The following SPTBN2 variants were observed in gnomAD, a reference collection of about 807,000 sequenced individuals.
SPTBN2 encodes spectrin beta, non-erythrocytic 2.
A neutral mutation model predicts 284.2 loss-of-function variants in SPTBN2; 107 were observed. That is an observed-to-expected ratio of 0.38 (90% CI 0.32 to 0.44). The LOEUF (loss-of-function observed/expected upper bound fraction) is 0.44. Ranked by LOEUF, SPTBN2 falls within the 20% of genes least tolerant of loss-of-function variation. SPTBN2 has a pLI of 1.00. For missense variants in SPTBN2, 2,569 were observed against 3,287.1 expected, an observed-to-expected ratio of 0.78 and a Z score of 5.34; for synonymous variants, 1,289 against 1,354.8, an observed-to-expected ratio of 0.95 and a Z score of 1.07.
chr11:66,704,966 C>T lies in SPTBN2; in HGVS notation c.2310G>A (p.Val770=). 1.2e-6 allele frequency: 2 copies of T among 1,608,968 alleles called. No individual in the cohort carries two copies. Among genetic ancestry groups the T allele is most frequent in the Non-Finnish European group, 1.7e-6 (2 of 1,179,878 alleles). ...CGTCGTGCCCCAGCTCGGGGCTGGA[C>T]ACCAGGCGCAGTGCGTCAACCAACC... ...EAWLVDALRL[V]SSPELGHDEF... Residue 770 remains valine (V), a synonymous_variant, in exon 15 of 38, where the codon GTG becomes GTA. Transcript: ENST00000533211.
intron 3 of SPTBN2, among the ~76,000 whole-genome samples, chr11:66,720,715 AGACACAACAAGGGCAT>A (rs1942358479): frequency 6.6e-6 from 1 of 152,188 alleles, no homozygotes; most frequent in Non-Finnish European, 1.5e-5. Flanking sequence ...AAATCAAAGA[AGACACAACAAGGGCAT>A]GACAGGTAAG....
chr11:66,735,512 C>T lies in SPTBN2; in HGVS notation c.-474-6320G>A, dbSNP rs538274828. ...ATTACTTAAGGCCAGGAGTTCAAGA[C>T]CAGCTTGTGCAATAATAGTGAGACC... On this transcript the variant is annotated intron_variant, in intron 1 of 37. Transcript: ENST00000611817. 2.0e-5 allele frequency among the ~76,000 whole-genome samples: 3 copies of T among 152,154 alleles called. No homozygotes were observed. The South Asian group carries it at 6.2e-4, about 32-fold the overall frequency.
chr11:66,704,974 G>A lies in SPTBN2; in HGVS notation c.2302C>T (p.Arg768Cys), dbSNP rs1425687730. ...DMEAWLVDAL[R>C]LVSSPELGHD... ...CCCAGCTCGGGGCTGGACACCAGGC[G>A]CAGTGCGTCAACCAACCAGGCCTCC... The change falls in exon 15 of 38, where the codon CGC becomes TGC. Residue 768 changes from arginine (R) to cysteine (C), a missense_variant. Around this residue, in one of 6 missense-constraint regions of SPTBN2, gnomAD observed 1,012 missense variants for 1,248.9 expected, o/e 0.81. Transcript: ENST00000533211. 1.2e-5 allele frequency: 20 copies of A among 1,607,980 alleles called. No individual in the cohort carries two copies. Among genetic ancestry groups the A allele is most frequent in the Non-Finnish European group, 1.5e-5 (18 of 1,179,886 alleles).
chr11:66,730,504 C>T (rs1455773223), upstream of SPTBN2, among the ~76,000 whole-genome samples: 1 of 151,202 alleles, frequency 6.6e-6, no homozygotes, highest in Non-Finnish European at 1.5e-5. Context: ...CGCTTGAACC[C>T]GGGAGGCAGA....
rs746648745 is a variant in SPTBN2, at chr11:66,688,157, C to A, written c.6374+12G>T. The A allele has an allele frequency of 6.2e-7, 1 of 1,613,418 alleles. No homozygotes were observed. Among genetic ancestry groups the A allele is most frequent in the African/African-American group, 1.3e-5 (1 of 74,918 alleles). On this transcript the variant is annotated intron_variant, in intron 32 of 37. Coordinates refer to ENST00000533211, the MANE Select transcript of SPTBN2 (RefSeq NM_006946.4). Reference sequence around the variant, plus strand: ...CAGCCGCCTCCTCCTACCCAGGCATCCTGGCTCTCACCCGTCCCAGGTGGT... The same window carrying A: ...CAGCCGCCTCCTCCTACCCAGGCATACTGGCTCTCACCCGTCCCAGGTGGT...
Position 66,691,515 on chromosome 11 carries a change from A to T in SPTBN2, c.5334T>A (p.Ser1778Arg). Residue 1778 changes from serine (S) to arginine (R), a missense_variant, in exon 27 of 38, where the codon AGT (serine) becomes AGA (arginine). By Grantham distance (110) the Ser-to-Arg change is moderately radical. Transcript: ENST00000533211. This position sits in a 1 kb window ranked among gnomAD's most constrained non-coding sequence, Gnocchi z 8.0. ...GCAGGTCAGCCCAGGCCTCGTTGAG[A>T]CTGTCCTTCCACTCGGCCACGGTGG... is the stretch of plus-strand genomic sequence containing the variant. Reference protein sequence around the residue: ...ARATVAEWKDSLNEAWADLLE... With the variant: ...ARATVAEWKDRLNEAWADLLE... 6.2e-7 allele frequency: 1 copy of T among 1,612,600 alleles called. No homozygotes were observed. Among genetic ancestry groups the T allele is most frequent in the Non-Finnish European group, 8.5e-7 (1 of 1,180,022 alleles).
At chr11:66,724,749 T>C (rs1194298609) in intron 1 of SPTBN2, among the ~76,000 whole-genome samples, 1 of 152,084 alleles carries the variant, frequency 6.6e-6, no homozygotes, top group Non-Finnish European at 1.5e-5. Context: ...ATGGAACCAG[T>C]TAATGATGGA....
intron 1 of SPTBN2, among the ~76,000 whole-genome samples, chr11:66,738,878 C>T (rs1942875688): frequency 6.6e-6 from 1 of 151,834 alleles, no homozygotes; most frequent in Non-Finnish European, 1.5e-5. Context: ...GCAGCCCAAT[C>T]TCAGCTCACT....
At position 66,687,388 on chromosome 11, in the gene SPTBN2, G is replaced by A. The variant is rs2135299498; in HGVS notation, c.6722+39C>T. ...CCCTCTATCTGGGCAGAGGCTCTGGGGAAGTGCCCTCTGAGAGCAGGCTCC... is the reference window on the plus strand; with the variant it reads ...CCCTCTATCTGGGCAGAGGCTCTGGAGAAGTGCCCTCTGAGAGCAGGCTCC... On this transcript the variant is annotated intron_variant, in intron 35 of 37. Transcript: ENST00000533211. This position sits in a 1 kb window ranked among gnomAD's most constrained non-coding sequence, Gnocchi z 5.2. The A allele has an allele frequency of 6.3e-7, 1 of 1,597,542 alleles. No individual in the cohort carries two copies. The highest frequency in any genetic ancestry group is 2.2e-5 in the East Asian group (1 of 44,852).
At chr11:66,738,660 T>C (rs969325985) in intron 1 of SPTBN2, among the ~76,000 whole-genome samples, 1 of 152,046 alleles carries the variant, frequency 6.6e-6, no homozygotes, top group Non-Finnish European at 1.5e-5. Context: ...GGACTACAGG[T>C]GCTCGCCACC....
In SPTBN2 at chr11:66,701,731, T is replaced by C. The variant is rs1337993717; in HGVS notation, c.2679-10A>G. 3 of 1,613,792 alleles carry C rather than the reference T, an allele frequency of 1.9e-6. No homozygotes were observed. The highest frequency in any genetic ancestry group is 2.5e-6 in the Non-Finnish European group (3 of 1,179,952). On this transcript the variant is annotated splice_polypyrimidine_tract_variant and intron_variant, in intron 15 of 37. Coordinates refer to ENST00000533211, the MANE Select transcript of SPTBN2 (RefSeq NM_006946.4). ...CTCCAGGGTCTCGAACCTGAGAGGGTGGAAGAGCCAGGCGTGAATTGTGGG... is the reference window on the plus strand; with the variant it reads ...CTCCAGGGTCTCGAACCTGAGAGGGCGGAAGAGCCAGGCGTGAATTGTGGG...
intron 13 of SPTBN2, among the ~76,000 whole-genome samples, chr11:66,706,462 C>T (rs1026493603): frequency 2.6e-5 from 4 of 152,196 alleles, no homozygotes; most frequent in Non-Finnish European, 5.9e-5. Flanking sequence ...TCCTGACTAG[C>T]TGGGATTACA....
chr11:66,743,148 G>C (rs1323997596), intron 1 of SPTBN2, among the ~76,000 whole-genome samples: 3 of 152,000 alleles, frequency 2.0e-5, no homozygotes, highest in Non-Finnish European at 4.4e-5. Context: ...GGGGGGTGTG[G>C]GGGGAATGAA....
chr11:66,701,455 A>G lies in SPTBN2; in HGVS notation c.2816+129T>C, dbSNP rs2276139. On this transcript the variant is annotated intron_variant, in intron 16 of 37. Coordinates refer to ENST00000533211, the MANE Select transcript of SPTBN2 (RefSeq NM_006946.4). ...CTCTTTCATCCTTTTTCCTTCCCCA[A>G]CATATTCCAGACTGGTTTGCTTCCT... 3.8e-4 allele frequency: 594 copies of G among 1,555,002 alleles called. 6 individuals are homozygous for G. The East Asian group carries it at 0.011, about 27-fold the overall frequency.
In SPTBN2 at chr11:66,715,935, G is replaced by A. The variant is rs745877459; in HGVS notation, c.204C>T (p.Asn68=). ...GGCACGTGACCCGGGCCAGGTGCGA[G>A]TTTACCCACTTGGTGAAGGTTTTCT... The part of the protein sequence containing the change: ...VQKKTFTKWV[N]SHLARVTCRV... The change falls in exon 4 of 38, where the codon AAC becomes AAT. Residue 68 remains asparagine (N), a synonymous_variant. Transcript: ENST00000533211. The surrounding 1 kb of genome is among the most constrained non-coding windows in gnomAD (Gnocchi z 5.3). 5 of 1,614,014 alleles carry A rather than the reference G, an allele frequency of 3.1e-6. No homozygotes were observed. Among genetic ancestry groups the A allele is most frequent in the Non-Finnish European group, 4.2e-6 (5 of 1,180,036 alleles).
chr11:66,741,317 A>C (rs1942894132), intron 1 of SPTBN2, among the ~76,000 whole-genome samples: 1 of 152,160 alleles, frequency 6.6e-6, no homozygotes, highest in African/African-American at 2.4e-5. Flanking sequence ...CTGGGCACTC[A>C]TTCTTCCCCT....
chr11:66,716,251 A>G (rs112628456), intron 3 of SPTBN2, among the ~76,000 whole-genome samples: 3,314 of 152,302 alleles, frequency 0.022, 134 homozygotes, highest in East Asian at 0.14. Flanking sequence ...TGGGAAGCCA[A>G]GGCGGGCGGA....
intron 8 of SPTBN2, among the ~76,000 whole-genome samples, chr11:66,711,503 G>A (rs557468188): frequency 2.0e-5 from 3 of 152,302 alleles, no homozygotes; most frequent in Admixed American, 6.5e-5. Flanking sequence ...TGGGGACAGA[G>A]GCCAGCTCTC....
At chr11:66,698,887 C>T in intron 19 of SPTBN2, 102 bp from the exon 20 acceptor site, 1 of 1,597,938 alleles carries the variant, frequency 6.3e-7, no homozygotes. Context: ...TGGGAAGAAG[C>T]CATGAAGGGG....
Sources: allele counts gnomAD v4.1 joint callset (sites outside exome capture counted in the v4.1 genomes callset), GRCh38; gene constraint gnomAD v4.1.1; regional missense constraint gnomAD v4.1.1; non-coding constraint Gnocchi (gnomAD v3.1); transcripts MANE v1.5; gene names NCBI Gene and HGNC (gene_info 2026-07-23, HGNC 2026-07-21).